The following PHF20 variants were observed in gnomAD, a reference collection of about 807,000 sequenced individuals.
The protein encoded by PHF20 is PHD finger protein 20.
In PHF20, 23 loss-of-function variants were observed where a neutral mutation model predicts 113.5. The observed-to-expected ratio is 0.20, with a 90% CI of 0.15 to 0.29. The LOEUF (loss-of-function observed/expected upper bound fraction) is 0.29. Among genes scored for constraint, PHF20 ranks in the 10% least tolerant of loss-of-function variants. The pLI, the probability that PHF20 is intolerant of heterozygous loss-of-function variation, is 1.00. For missense variants in PHF20, 943 were observed against 1,219.6 expected (o/e 0.77, Z 3.38); for synonymous variants, 434 against 457.3 (o/e 0.95, Z 0.65).
intron 11 of PHF20, 118 bp downstream of exon 11, chr20:35,913,465 T>TA: frequency 2.7e-6 from 2 of 735,414 alleles, no homozygotes; most frequent in East Asian, 2.5e-5. Flanking sequence ...AATAGTCTCT[T>TA]ACCAGGGCTT....
chr20:35,840,074 G>A (rs1289147691), intron 2 of PHF20, among the ~76,000 whole-genome samples: 1 of 152,154 alleles, frequency 6.6e-6, no homozygotes, highest in African/African-American at 2.4e-5. Flanking sequence ...TAGGTAGGTA[G>A]CATGTGTTTA....
intron 9 of PHF20, among the ~76,000 whole-genome samples, chr20:35,879,122 G>C (rs1362648375): frequency 6.6e-6 from 1 of 152,140 alleles, no homozygotes; most frequent in Non-Finnish European, 1.5e-5. Flanking sequence ...AGTCCTATTT[G>C]CCCTAGTTAA....
At chr20:35,857,541 ACC>A in intron 4 of PHF20, among the ~76,000 whole-genome samples, 2 of 140,284 alleles carry the variant, frequency 1.4e-5, no homozygotes, top group South Asian at 4.6e-4. Context: ...GAAACACAAT[ACC>A]TTTAGCTGAA....
At chr20:35,793,519 C>T (rs373044149) in intron 1 of PHF20, among the ~76,000 whole-genome samples, 5 of 149,152 alleles carry the variant, frequency 3.4e-5, no homozygotes, top group Admixed American at 6.7e-5. Context: ...AGGCTGGTCT[C>T]GAACTCCTGA....
At chr20:35,814,977 C>G (rs946283342) in intron 2 of PHF20, among the ~76,000 whole-genome samples, 2 of 151,868 alleles carry the variant, frequency 1.3e-5, no homozygotes, top group African/African-American at 4.8e-5. Flanking sequence ...GGGCGGATCA[C>G]CTGAGGTCAG....
intron 2 of PHF20, among the ~76,000 whole-genome samples, chr20:35,804,239 T>G (rs1397960473): frequency 1.4e-5 from 2 of 141,812 alleles, no homozygotes; most frequent in East Asian, 2.0e-4. Context: ...GTTTTTTTTT[T>G]TTTTTTTTTT....
chr20:35,791,810 G>GAGGGAAGGAGAAGGAGGTA (rs1429484204), intron 1 of PHF20, among the ~76,000 whole-genome samples: 10 of 151,986 alleles, frequency 6.6e-5, no homozygotes, highest in Admixed American at 1.3e-4. Context: ...TGTGGGAGGT[G>GAGGGAAGGAGAAGGAGGTA]AGGGAAGGAG....
rs1335980658 is a variant in PHF20 at position 35,781,000 on chromosome 20, T to C, written c.-33+8921T>C. ...TCCCAAGTAGCTGGGATTACAGGCA[T>C]GTGCCAACACGCCTGGCTAATTTTC... is the stretch of plus-strand genomic sequence containing the variant. On this transcript the variant is annotated intron_variant, in intron 1 of 17. Transcript: ENST00000374012. Among the ~76,000 whole-genome samples the C allele has an allele frequency of 4.6e-5, 7 of 151,928 alleles. No individual in the cohort carries two copies. In the East Asian group the frequency reaches 1.4e-3, roughly 29 times the overall value.
At chr20:35,793,515 G>A (rs2041600050) in intron 1 of PHF20, among the ~76,000 whole-genome samples, 1 of 150,738 alleles carries the variant, frequency 6.6e-6, no homozygotes, top group South Asian at 2.1e-4. Context: ...GGCCAGGCTG[G>A]TCTCGAACTC....
intron 2 of PHF20, among the ~76,000 whole-genome samples, chr20:35,822,845 C>CT (rs1445785672): frequency 1.3e-5 from 1 of 79,012 alleles, no homozygotes; most frequent in African/African-American, 5.8e-5. Context: ...GACCCTGCTT[C>CT]TAAAAAAAAA....
chr20:35,947,406 G>A lies in PHF20; in HGVS notation c.2897-79G>A, dbSNP rs1015214181. ...CTTGCCCCATGTCTGATGGAATAAGGTGCTGAAATGCTTGCTGATGTTCTT... is the reference window on the plus strand; with the variant it reads ...CTTGCCCCATGTCTGATGGAATAAGATGCTGAAATGCTTGCTGATGTTCTT... On this transcript the variant is annotated intron_variant, in intron 17 of 17. Transcript: ENST00000374012. 3.4e-6 allele frequency: 5 copies of A among 1,475,120 alleles called. No individual in the cohort carries two copies. The African/African-American group carries it at 7.0e-5, about 21-fold the overall frequency. The allele number at this position is 1,475,120 out of a possible 1,614,324, so 91.4% of individuals were successfully genotyped here. A position where few individuals can be genotyped will look rare whatever the true frequency, so the allele number is the denominator to read the frequency against.
At chr20:35,923,307 G>A (rs1385709670) in intron 13 of PHF20, among the ~76,000 whole-genome samples, 1 of 152,008 alleles carries the variant, frequency 6.6e-6, no homozygotes, top group Non-Finnish European at 1.5e-5. Flanking sequence ...TTAAAAAGAA[G>A]CCCATTTTAA....
intron 4 of PHF20, among the ~76,000 whole-genome samples, chr20:35,852,601 ACTT>A (rs1049681738): frequency 1.1e-4 from 16 of 149,588 alleles, no homozygotes; most frequent in African/African-American, 4.0e-4. Context: ...CTTCAAGAAA[ACTT>A]TTTTTTTTTT....
intron 1 of PHF20, among the ~76,000 whole-genome samples, chr20:35,778,275 A>G (rs779414149): frequency 2.0e-5 from 3 of 152,084 alleles, no homozygotes; most frequent in Non-Finnish European, 4.4e-5. Context: ...AGTAGAGACA[A>G]GGTTTCACTA....
intron 10 of PHF20, among the ~76,000 whole-genome samples, chr20:35,911,338 G>T (rs903290187): frequency 2.0e-5 from 3 of 152,180 alleles, no homozygotes; most frequent in Non-Finnish European, 2.9e-5. Flanking sequence ...CACTGCGCCC[G>T]GCCTGCTGTT....
intron 4 of PHF20, among the ~76,000 whole-genome samples, chr20:35,857,981 C>T (rs976567748): frequency 2.0e-5 from 3 of 152,188 alleles, no homozygotes; most frequent in African/African-American, 7.2e-5. Context: ...CTGCATTTTA[C>T]TCACTTTCTT....
rs781763650 is a variant in PHF20 at position 35,880,884 on chromosome 20, C to T, written c.1282+9055C>T. On this transcript the variant is annotated intron_variant, in intron 9 of 17. Coordinates refer to ENST00000374012, the MANE Select transcript of PHF20 (RefSeq NM_016436.5). ...CTGAGGCAGGAGAATCTCTTGAGCTCGGGAGGCGGAGATTGCAGTGAGCCA... is the reference window on the plus strand; with the variant it reads ...CTGAGGCAGGAGAATCTCTTGAGCTTGGGAGGCGGAGATTGCAGTGAGCCA... 7.6e-4 allele frequency among the ~76,000 whole-genome samples: 115 copies of T among 151,908 alleles called. 1 individual carries two copies. The highest frequency in any genetic ancestry group is 1.4e-3 in the Non-Finnish European group (96 of 67,988).
intron 9 of PHF20, among the ~76,000 whole-genome samples, chr20:35,885,981 C>T (rs2054723409): frequency 6.6e-6 from 1 of 151,810 alleles, no homozygotes; most frequent in Admixed American, 6.6e-5. Context: ...TATATTCTGC[C>T]TTAGGGGGGT....
intron 13 of PHF20, among the ~76,000 whole-genome samples, chr20:35,926,513 A>G (rs971396844): frequency 6.6e-6 from 1 of 151,918 alleles, no homozygotes; most frequent in African/African-American, 2.4e-5. Flanking sequence ...TGCTGGGATT[A>G]CAAGCGTGAG....
Sources: allele counts gnomAD v4.1 joint callset (sites outside exome capture counted in the v4.1 genomes callset), GRCh38; gene constraint gnomAD v4.1.1; transcripts MANE v1.5; gene names NCBI Gene and HGNC (gene_info 2026-07-23, HGNC 2026-07-21).